The following BTD variants were observed in gnomAD, a reference collection of about 807,000 sequenced individuals.
BTD encodes biotinidase, also known as biocytinase.
A neutral mutation model predicts 17.7 loss-of-function variants in BTD; 13 were observed. The ratio of observed to expected loss-of-function variants is 0.74; its 90% CI spans 0.48 to 1.17. BTD has a LOEUF of 1.17. Ranked by LOEUF, BTD falls within the 50% of genes most tolerant of loss-of-function variation. BTD has a pLI of 0.00. For missense variants in BTD, 674 were observed against 650.4 expected (o/e 1.04, Z -0.39); for synonymous variants, 240 against 245.2 (o/e 0.98, Z 0.20).
chr3:15,651,578 G>A lies in BTD; in HGVS notation c.*6090G>A, dbSNP rs2065804608. On this transcript the variant is annotated 3_prime_UTR_variant, in exon 4 of 4. Transcript: ENST00000643237. ...GTGAGAGAGACAGCCAGACCGTAGCGGTGTGACAGGCAGAGAGCCAGGCGA... is the reference window on the plus strand; with the variant it reads ...GTGAGAGAGACAGCCAGACCGTAGCAGTGTGACAGGCAGAGAGCCAGGCGA... Among the ~76,000 whole-genome samples the A allele has an allele frequency of 6.6e-6, 1 of 152,188 alleles. No individual in the cohort carries two copies. Among genetic ancestry groups the A allele is most frequent in the African/African-American group, 2.4e-5 (1 of 41,448 alleles).
rs2065684347 is a variant in BTD at position 15,645,901 on chromosome 3, C to G, written c.*413C>G. On this transcript the variant is annotated 3_prime_UTR_variant, in exon 4 of 4. Coordinates refer to ENST00000643237, the MANE Select transcript of BTD (RefSeq NM_001370658.1). ...CAGGACATGTAAATATTTCATAAGC[C>G]TTAAACATTTCCTGAGGTAAGAAAC... 6.2e-6 allele frequency: 1 copy of G among 161,130 alleles called. No individual in the cohort carries two copies. The highest frequency in any genetic ancestry group is 1.7e-4 in the South Asian group (1 of 5,782). The allele number at this position is 161,130 out of a possible 1,614,324, so 10.0% of individuals were successfully genotyped here.
At chr3:15,678,310 A>G in intron 3 of BTD, 1 of 1,612,882 alleles carries the variant, frequency 6.2e-7, no homozygotes, top group Non-Finnish European at 8.5e-7. Flanking sequence ...CAGCAGCTGT[A>G]AACACTCTAC....
chr3:15,613,512 TC>T (rs532610760), intron 1 of BTD, among the ~76,000 whole-genome samples: 1,571 of 152,210 alleles, frequency 0.01, 10 homozygotes, highest in Non-Finnish European at 0.017. Context: ...TCTCTCTTCT[TC>T]CCTCTTCCCC....
chr3:15,708,181 G>T, intron 3 of BTD: 1 of 1,182,312 alleles, frequency 8.5e-7, no homozygotes, highest in Non-Finnish European at 1.2e-6. Context: ...GTGAGACTTA[G>T]ACTACCATAT....
chr3:15,610,488 G>T (rs2064586489), intron 1 of BTD, among the ~76,000 whole-genome samples: 1 of 152,126 alleles, frequency 6.6e-6, no homozygotes, highest in Admixed American at 6.5e-5. Context: ...CTTTTTTATA[G>T]TCAATTTACC....
chr3:15,672,508 G>A (rs1226365549), intron 3 of BTD, among the ~76,000 whole-genome samples: 1 of 152,186 alleles, frequency 6.6e-6, no homozygotes, highest in Non-Finnish European at 1.5e-5. Context: ...AACAACTGAT[G>A]TCCTTCCAAG....
In BTD at chr3:15,635,252, G is replaced by T. The variant is rs2065313637; in HGVS notation, c.-16-172G>T. Reference sequence around the variant, plus strand: ...CCATTTTAAATGTGGCTTGCTACGTGTTTGGAGAGAAACACATACTCTTTT... The same window carrying T: ...CCATTTTAAATGTGGCTTGCTACGTTTTTGGAGAGAAACACATACTCTTTT... On this transcript the variant is annotated intron_variant, in intron 1 of 3. Coordinates refer to ENST00000643237, the MANE Select transcript of BTD (RefSeq NM_001370658.1). The surrounding 1 kb of genome is among the most constrained non-coding windows in gnomAD (Gnocchi z 4.1). Among the ~76,000 whole-genome samples, 1 of 152,192 alleles carries T rather than the reference G, an allele frequency of 6.6e-6. No individual in the cohort carries two copies. The highest frequency in any genetic ancestry group is 2.4e-5 in the African/African-American group (1 of 41,454).
chr3:15,632,515 G>A (rs2065238111), intron 1 of BTD: 1 of 152,280 alleles, frequency 6.6e-6, no homozygotes, highest in South Asian at 2.1e-4. Context: ...ACTCTCCTAT[G>A]TCAGATGCCC....
At chr3:15,625,913 A>T (rs1033070042) in intron 1 of BTD, among the ~76,000 whole-genome samples, 4 of 152,088 alleles carry the variant, frequency 2.6e-5, no homozygotes, top group African/African-American at 4.8e-5. Context: ...TTTGTTTATG[A>T]TTTATTTTCT....
intron 3 of BTD, among the ~76,000 whole-genome samples, chr3:15,689,071 CTTG>C (rs1351369192): frequency 1.3e-5 from 2 of 152,096 alleles, no homozygotes; most frequent in East Asian, 1.9e-4. Flanking sequence ...TGATGATAGT[CTTG>C]TTGTTGGTAT....
At chr3:15,686,489 T>C (rs2068144788) in intron 3 of BTD, 4 of 604,962 alleles carry the variant, frequency 6.6e-6, no homozygotes, top group Non-Finnish European at 1.2e-5. Context: ...AAAGCTGGAA[T>C]AAATGTGAAT....
chr3:15,680,395 C>T lies in BTD; in HGVS notation c.400-29665C>T, dbSNP rs886904268. Among the ~76,000 whole-genome samples the T allele has an allele frequency of 2.4e-4, 37 of 151,954 alleles. 5 individuals carry two copies. Among genetic ancestry groups the T allele is most frequent in the Admixed American group, 9.8e-4 (15 of 15,240 alleles). On this transcript the variant is annotated intron_variant, in intron 3 of 3. Transcript: ENST00000672141. ...GCTTTTTTCGTATTTTTAGTAGACA[C>T]GGGGTTTCACCATGTTGGTCAGGCT...
chr3:15,601,912 T>G lies in BTD; in HGVS notation c.-17+18T>G, dbSNP rs569736022. On this transcript the variant is annotated intron_variant, in intron 1 of 3. Coordinates refer to ENST00000643237, the MANE Select transcript of BTD (RefSeq NM_001370658.1). ...AAGAGCAGGTACGGAGGGGGCGTGG[T>G]GCGGCGCGGAGGGGGTGTGGTAAGG... is the stretch of plus-strand genomic sequence containing the variant. The G allele has an allele frequency of 1.5e-5, 25 of 1,613,080 alleles. No homozygotes were observed. In the South Asian group the frequency reaches 2.2e-4, roughly 14 times the overall value.
Position 15,648,746 on chromosome 3 carries a change from A to G in BTD, c.*3258A>G, listed in dbSNP as rs1044341696. ...TTATTTGGAAATAGGGTCTTTGCAG[A>G]TGCAATGAAGATATAAGTTAAAATG... On this transcript the variant is annotated 3_prime_UTR_variant, in exon 4 of 4. Coordinates refer to ENST00000643237, the MANE Select transcript of BTD (RefSeq NM_001370658.1). Among the ~76,000 whole-genome samples, 15 of 152,212 alleles carry G rather than the reference A, an allele frequency of 9.9e-5. No individual in the cohort carries two copies. The highest frequency in any genetic ancestry group is 1.9e-4 in the Non-Finnish European group (13 of 68,036).
downstream of BTD, among the ~76,000 whole-genome samples, chr3:15,717,674 A>G (rs1389464229): frequency 6.6e-6 from 1 of 152,196 alleles, no homozygotes; most frequent in Non-Finnish European, 1.5e-5. Context: ...CATTTGGTGT[A>G]TTTTGCTTAG....
At chr3:15,621,238 G>A (rs181406161) in intron 1 of BTD, among the ~76,000 whole-genome samples, 2 of 152,262 alleles carry the variant, frequency 1.3e-5, no homozygotes, top group East Asian at 3.9e-4. Flanking sequence ...ATTTTACCAG[G>A]TTTCTACAGT....
rs535852346 is a variant in BTD at position 15,641,050 on chromosome 3, T to G, written c.250-858T>G. Among the ~76,000 whole-genome samples, 3 of 152,186 alleles carry G rather than the reference T, an allele frequency of 2.0e-5. No homozygotes were observed. In the East Asian group the frequency reaches 5.8e-4, roughly 29 times the overall value. ...GGCTTGACATTTTAAACCCTGTAAG[T>G]GGAGAGCAGTGGAAGAATGATGCCC... On this transcript the variant is annotated intron_variant, in intron 2 of 3. Coordinates refer to ENST00000643237, the MANE Select transcript of BTD (RefSeq NM_001370658.1).
intron 4 of BTD, chr3:15,720,965 C>T: frequency 1.9e-6 from 3 of 1,613,884 alleles, no homozygotes; most frequent in Non-Finnish European, 2.5e-6. Flanking sequence ...AAACACAATG[C>T]TCCATGTGTT....
rs147526725 is a variant in BTD, at chr3:15,641,716, T to C, written c.250-192T>C. Among the ~76,000 whole-genome samples the C allele has an allele frequency of 1.6e-4, 25 of 152,250 alleles. No individual in the cohort carries two copies. The South Asian group carries it at 5.2e-3, about 32-fold the overall frequency. On this transcript the variant is annotated intron_variant, in intron 2 of 3. Coordinates refer to ENST00000643237, the MANE Select transcript of BTD (RefSeq NM_001370658.1). The stretch of plus-strand genomic sequence containing the variant: ...GGACTTTGTCTTTGTTCCTTGGGGA[T>C]CAGGTGGAGTGAGACAGTATCCCCA...
Sources: allele counts gnomAD v4.1 joint callset (sites outside exome capture counted in the v4.1 genomes callset), GRCh38; gene constraint gnomAD v4.1.1; non-coding constraint Gnocchi (gnomAD v3.1); transcripts MANE v1.5; gene names NCBI Gene and HGNC (gene_info 2026-07-23, HGNC 2026-07-21).